NPIPB8: variants seen among roughly 807,000 people sequenced by gnomAD.
The protein encoded by NPIPB8 is nuclear pore complex interacting protein family member B8.
NPIPB8 carries 3 observed loss-of-function variants against 5.3 expected under a neutral mutation model. The ratio of observed to expected loss-of-function variants is 0.57; its 90% CI spans 0.26 to 1.47. The LOEUF is 1.47. NPIPB8 is among the 40% of genes most tolerant of loss of function. The probability of loss-of-function intolerance (pLI) is 0.13; values close to 1 mark genes in which losing one functional copy is unlikely to be tolerated. For missense variants in NPIPB8, 50 were observed against 50.2 expected (o/e 1.00, Z 0.01); for synonymous variants, 18 against 23.0 (o/e 0.78, Z 0.62).
chr16:28,638,299 C>T (rs563081642), intron 1 of NPIPB8, 24 bp from the exon 2 acceptor site: 577 of 1,547,124 alleles, frequency 3.7e-4, no homozygotes, highest in Non-Finnish European at 4.8e-4. Flanking sequence ...ATTCAACAAA[C>T]TTTTTTTCTT....
chr16:28,643,344 G>T (rs1262167536), intron 2 of NPIPB8, among the ~76,000 whole-genome samples: 1 of 130,204 alleles, frequency 7.7e-6, no homozygotes, highest in African/African-American at 2.9e-5. Flanking sequence ...TGTCTAGGTG[G>T]GTTAGGGGTG....
intron 2 of NPIPB8, chr16:28,644,570 C>G: frequency 9.2e-6 from 14 of 1,524,550 alleles, no homozygotes; most frequent in Non-Finnish European, 1.2e-5. Context: ...CACCTCAGGG[C>G]GCCCTGAAAG....
intron 2 of NPIPB8, among the ~76,000 whole-genome samples, chr16:28,641,506 G>A (rs1417769301): frequency 7.1e-6 from 1 of 141,646 alleles, no homozygotes; most frequent in Non-Finnish European, 1.6e-5. Context: ...CCCCAGGAGT[G>A]CCCAGACCCT....
intron 5 of NPIPB8, among the ~76,000 whole-genome samples, chr16:28,652,698 T>A (rs1268435399): frequency 1.6e-5 from 2 of 126,684 alleles, no homozygotes; most frequent in Non-Finnish European, 3.4e-5. Context: ...GCCTTTTGGC[T>A]TCAAGCAATT....
intron 2 of NPIPB8, among the ~76,000 whole-genome samples, chr16:28,645,131 C>T (rs979958723): frequency 5.3e-5 from 7 of 132,956 alleles, no homozygotes; most frequent in South Asian, 2.3e-4. Context: ...GCAACCTCCG[C>T]TTCCGGGGTT....
At chr16:28,643,167 CT>C in intron 2 of NPIPB8, among the ~76,000 whole-genome samples, 1 of 150,516 alleles carries the variant, frequency 6.6e-6, no homozygotes, top group East Asian at 2.0e-4. Context: ...AGCTGATGAA[CT>C]TTGTTTCTTG....
intron 2 of NPIPB8, among the ~76,000 whole-genome samples, chr16:28,645,094 A>G (rs538959033): frequency 1.7e-5 from 2 of 118,176 alleles, no homozygotes; most frequent in Non-Finnish European, 3.6e-5. Flanking sequence ...CCCAGGCTGG[A>G]GTGCAGTGGC....
rs1184987543 is a variant in NPIPB8 at position 28,644,091 on chromosome 16, TGAGGC to T, written c.121-4043_121-4039del. Among the ~76,000 whole-genome samples the T allele has an allele frequency of 3.6e-3, 176 of 49,218 alleles. 1 individual carries two copies. Among genetic ancestry groups the T allele is most frequent in the South Asian group, 0.018 (31 of 1,716 alleles). The allele number at this position is 49,218 out of a possible 152,430, so 32.3% of individuals were successfully genotyped here. ...GGGCGCTACTTGGCATTGTCCATTG[TGAGGC>T]ACCACCGGGGTCATCAGGGATTGGT... On this transcript the variant is annotated intron_variant, in intron 2 of 7. Transcript: ENST00000683297.
chr16:28,644,271 C>A (rs1488259811), intron 2 of NPIPB8, among the ~76,000 whole-genome samples: 11 of 101,238 alleles, frequency 1.1e-4, no homozygotes, highest in Admixed American at 6.9e-4. Context: ...CTGATCTTCT[C>A]CGTGACCTGT....
intron 2 of NPIPB8, among the ~76,000 whole-genome samples, chr16:28,639,414 CAG>C (rs1404132998): frequency 4.7e-4 from 69 of 145,332 alleles, no homozygotes; most frequent in Non-Finnish European, 8.5e-4. Flanking sequence ...CACACACACA[CAG>C]ACACACACAC....
intron 2 of NPIPB8, among the ~76,000 whole-genome samples, chr16:28,638,762 T>G (rs368419179): frequency 2.1e-4 from 32 of 150,270 alleles, no homozygotes; most frequent in Admixed American, 5.3e-4. Flanking sequence ...ACTTAAAAAG[T>G]TTATTTATTA....
intron 2 of NPIPB8, among the ~76,000 whole-genome samples, chr16:28,643,039 G>C (rs1217352635): frequency 2.6e-5 from 4 of 151,968 alleles, no homozygotes; most frequent in Admixed American, 2.6e-4. Context: ...GATAGACAGT[G>C]GGGGTCTGTC....
intron 2 of NPIPB8, among the ~76,000 whole-genome samples, chr16:28,639,455 A>ATTT (rs1181691602): frequency 2.9e-4 from 35 of 120,838 alleles, no homozygotes; most frequent in South Asian, 8.4e-4. Context: ...ATATATATAT[A>ATTT]TTTTTTTTTT....
At chr16:28,640,411 C>T (rs72793807) in intron 2 of NPIPB8, among the ~76,000 whole-genome samples, 36,022 of 152,050 alleles carry the variant, frequency 0.24, 4,719 homozygotes, top group Non-Finnish European at 0.29. Context: ...CTGTCAGTTG[C>T]TCCAAGAGAT....
At chr16:28,639,054 G>A (rs1470158930) in intron 2 of NPIPB8, among the ~76,000 whole-genome samples, 2 of 146,490 alleles carry the variant, frequency 1.4e-5, no homozygotes, top group African/African-American at 2.6e-5. Flanking sequence ...GTGCGACAGA[G>A]CGAGACTCTG....
At chr16:28,641,621 G>A (rs868082242) in intron 2 of NPIPB8, among the ~76,000 whole-genome samples, 3 of 136,476 alleles carry the variant, frequency 2.2e-5, no homozygotes, top group Admixed American at 1.5e-4. Flanking sequence ...GTGACCAAGG[G>A]CCTTCCAAGG....
chr16:28,639,083 A>T (rs1346052547), intron 2 of NPIPB8, among the ~76,000 whole-genome samples: 2 of 147,182 alleles, frequency 1.4e-5, no homozygotes, highest in Admixed American at 1.4e-4. Context: ...AAAAAAAAAA[A>T]TTATCCTGCA....
At chr16:28,638,215 T>G in intron 1 of NPIPB8, 65 bp downstream of exon 1, 1 of 1,416,958 alleles carries the variant, frequency 7.1e-7, no homozygotes, top group African/African-American at 1.6e-5. Flanking sequence ...GAATTTGAAC[T>G]TGGTTCTGTC....
intron 2 of NPIPB8, among the ~76,000 whole-genome samples, chr16:28,642,950 TGA>T (rs2047931032): frequency 6.6e-6 from 1 of 152,210 alleles, no homozygotes; most frequent in Non-Finnish European, 1.5e-5. Flanking sequence ...GCCAGAGGCC[TGA>T]GAGAGTTTGG....
Sources: allele counts gnomAD v4.1 joint callset (sites outside exome capture counted in the v4.1 genomes callset), GRCh38; gene constraint gnomAD v4.1.1; transcripts MANE v1.5; gene names NCBI Gene and HGNC (gene_info 2026-07-23, HGNC 2026-07-21).